The following B3GLCT variants were observed in gnomAD, a reference collection of about 807,000 sequenced individuals.
The protein encoded by B3GLCT is beta 3-glucosyltransferase, also known as beta-1,3-glucosyltransferase.
In B3GLCT, 65 loss-of-function variants were observed where a neutral mutation model predicts 63.4. That is an observed-to-expected ratio of 1.03 (90% CI 0.84 to 1.26). B3GLCT has a LOEUF of 1.26. B3GLCT is among the 50% of genes most tolerant of loss of function. The pLI is 0.00. For synonymous variants in B3GLCT, 233 were observed against 219.2 expected, an observed-to-expected ratio of 1.06 and a Z score of -0.55; for missense variants, 577 against 604.8, an observed-to-expected ratio of 0.95 and a Z score of 0.48.
At chr13:31,267,623 C>T (rs1432108729) in intron 7 of B3GLCT, among the ~76,000 whole-genome samples, 1 of 152,166 alleles carries the variant, frequency 6.6e-6, no homozygotes, top group Non-Finnish European at 1.5e-5. Flanking sequence ...TTATATGGGG[C>T]TTCTTTTGGT....
At chr13:31,238,472 GC>G (rs1226246985) in intron 4 of B3GLCT, among the ~76,000 whole-genome samples, 1 of 152,224 alleles carries the variant, frequency 6.6e-6, no homozygotes, top group Non-Finnish European at 1.5e-5. Context: ...CTATAACTCA[GC>G]TGACTTCATC....
chr13:31,274,417 T>G, intron 8 of B3GLCT, 92 bp from the exon 9 acceptor site: 1 of 1,502,364 alleles, frequency 6.7e-7, no homozygotes, highest in Non-Finnish European at 9.3e-7. Flanking sequence ...CTATGGAAGA[T>G]GTGTTCTGCT....
chr13:31,219,713 C>A (rs1355498156), intron 2 of B3GLCT, among the ~76,000 whole-genome samples: 2 of 152,168 alleles, frequency 1.3e-5, no homozygotes, highest in African/African-American at 4.8e-5. Context: ...TAGCTTAGAA[C>A]AATGCCAGGT....
intron 6 of B3GLCT, among the ~76,000 whole-genome samples, chr13:31,250,763 G>A (rs1462807828): frequency 1.3e-5 from 2 of 152,226 alleles, no homozygotes; most frequent in Admixed American, 6.5e-5. Context: ...GAACCTGGGG[G>A]AAGGGGCAGT....
chr13:31,266,061 G>T (rs917952791), intron 7 of B3GLCT, among the ~76,000 whole-genome samples: 3 of 151,808 alleles, frequency 2.0e-5, no homozygotes, highest in African/African-American at 7.3e-5. Flanking sequence ...GTACAGTGGC[G>T]CAGTCTCGCT....
intron 4 of B3GLCT, among the ~76,000 whole-genome samples, chr13:31,230,089 ATTAAT>A (rs376660365): frequency 1.3e-5 from 2 of 152,256 alleles, no homozygotes; most frequent in African/African-American, 4.8e-5. Context: ...ATTGGATGTC[ATTAAT>A]TTAACTTTTG....
intron 2 of B3GLCT, among the ~76,000 whole-genome samples, chr13:31,220,459 T>C (rs555405285): frequency 1.3e-4 from 20 of 152,348 alleles, no homozygotes; most frequent in African/African-American, 4.3e-4. Context: ...CACATTTTGA[T>C]TGATATTGAT....
intron 10 of B3GLCT, among the ~76,000 whole-genome samples, chr13:31,282,309 GT>G (rs1278211951): frequency 1.3e-5 from 2 of 152,078 alleles, no homozygotes; most frequent in Admixed American, 6.5e-5. Context: ...GCCTTAAGCT[GT>G]TTTTTTGGAA....
chr13:31,217,710 T>G (rs1279947770), intron 2 of B3GLCT, among the ~76,000 whole-genome samples: 2 of 152,218 alleles, frequency 1.3e-5, no homozygotes, highest in Non-Finnish European at 2.9e-5. Flanking sequence ...CTTTCCCCAT[T>G]GCTTGTTTTT....
chr13:31,302,635 G>A (rs1205104194), intron 12 of B3GLCT, among the ~76,000 whole-genome samples: 6 of 50,612 alleles, frequency 1.2e-4, no homozygotes, highest in Admixed American at 4.7e-4. Flanking sequence ...AAGAAACGGC[G>A]CACCACGAGA....
chr13:31,236,176 A>G (rs1870637370), intron 4 of B3GLCT, among the ~76,000 whole-genome samples: 1 of 152,208 alleles, frequency 6.6e-6, no homozygotes, highest in African/African-American at 2.4e-5. Flanking sequence ...CATAGCACGT[A>G]GTGGATTGCC....
chr13:31,223,956 AT>A (rs1343159121), intron 3 of B3GLCT, among the ~76,000 whole-genome samples: 3 of 152,154 alleles, frequency 2.0e-5, no homozygotes, highest in Middle Eastern at 3.4e-3. Flanking sequence ...CCTCTCCACT[AT>A]TTTCCATGGA....
chr13:31,266,308 A>G (rs1193249190), intron 7 of B3GLCT, among the ~76,000 whole-genome samples: 1 of 152,076 alleles, frequency 6.6e-6, no homozygotes, highest in East Asian at 1.9e-4. Flanking sequence ...GATTACAGGC[A>G]TGAGCCACCA....
At chr13:31,211,976 T>G (rs1869283624) in intron 1 of B3GLCT, among the ~76,000 whole-genome samples, 1 of 152,206 alleles carries the variant, frequency 6.6e-6, no homozygotes, top group South Asian at 2.1e-4. Context: ...GCAAACACTG[T>G]TATTAGATGA....
At chr13:31,260,505 G>T (rs1471840759) in intron 6 of B3GLCT, 1 of 161,784 alleles carries the variant, frequency 6.2e-6, no homozygotes, top group Non-Finnish European at 1.3e-5. Context: ...TGCCTGGTGT[G>T]TGGTAGATTC....
At chr13:31,203,013 C>T (rs948470831) in intron 1 of B3GLCT, among the ~76,000 whole-genome samples, 14 of 152,164 alleles carry the variant, frequency 9.2e-5, no homozygotes, top group South Asian at 2.1e-4. Context: ...GAAGCTTATT[C>T]GAACCAATGA....
chr13:31,235,364 G>A (rs1870595761), intron 4 of B3GLCT, among the ~76,000 whole-genome samples: 1 of 152,112 alleles, frequency 6.6e-6, no homozygotes. Context: ...ATAGGTAGTG[G>A]CTAGAAGCTT....
chr13:31,295,995 G>T (rs749218455), intron 12 of B3GLCT, among the ~76,000 whole-genome samples: 8 of 152,234 alleles, frequency 5.3e-5, no homozygotes, highest in Non-Finnish European at 1.2e-4. Context: ...CGTGGGACAA[G>T]TGTAGGATCT....
At chr13:31,250,643 C>T (rs537178573) in intron 6 of B3GLCT, among the ~76,000 whole-genome samples, 135 of 152,344 alleles carry the variant, frequency 8.9e-4, no homozygotes, top group Non-Finnish European at 1.5e-3. Flanking sequence ...AGGCCTCTGC[C>T]GCCAGACTGC....
Sources: allele counts gnomAD v4.1 joint callset (sites outside exome capture counted in the v4.1 genomes callset), GRCh38; gene constraint gnomAD v4.1.1; transcripts MANE v1.5; gene names NCBI Gene and HGNC (gene_info 2026-07-23, HGNC 2026-07-21).